Variants in DACH1 observed in about 807,000 individuals in gnomAD.
DACH1 encodes the protein dachshund homolog 1.
DACH1 carries 12 observed loss-of-function variants against 54.2 expected under a neutral mutation model. That is an observed-to-expected ratio of 0.22 (90% CI 0.14 to 0.36). The LOEUF (loss-of-function observed/expected upper bound fraction) is 0.36. DACH1 is among the 10% of genes least tolerant of loss of function. The pLI, the probability that DACH1 is intolerant of heterozygous loss-of-function variation, is 1.00. For missense variants in DACH1, 805 were observed against 929.8 expected (o/e 0.87, Z 1.75); for synonymous variants, 386 against 366.2 (o/e 1.05, Z -0.62).
intron 1 of DACH1, among the ~76,000 whole-genome samples, chr13:71,753,078 C>T (rs1016085810): frequency 7.9e-5 from 12 of 152,156 alleles, no homozygotes; most frequent in African/African-American, 2.9e-4. Context: ...GAAAGGCCCT[C>T]TTGTTACTAA....
At chr13:71,849,892 GTAATTATGGTGCCTAAC>G (rs1257205121) in intron 1 of DACH1, among the ~76,000 whole-genome samples, 1 of 152,086 alleles carries the variant, frequency 6.6e-6, no homozygotes, top group African/African-American at 2.4e-5. Context: ...GTATTACTTT[GTAATTATGGTGCCTAAC>G]TAAACATAAG....
intron 1 of DACH1, among the ~76,000 whole-genome samples, chr13:71,734,134 C>T (rs1284899031): frequency 6.7e-6 from 1 of 148,906 alleles, no homozygotes; most frequent in African/African-American, 2.5e-5. Context: ...TACATATATA[C>T]CCCATATATA....
intron 1 of DACH1, among the ~76,000 whole-genome samples, chr13:71,816,406 A>T (rs756132237): frequency 4.0e-5 from 6 of 151,888 alleles, no homozygotes; most frequent in Non-Finnish European, 7.4e-5. Flanking sequence ...CAGCAATCCC[A>T]TTACTGGGAA....
At chr13:71,760,689 T>C (rs1295419395) in intron 1 of DACH1, among the ~76,000 whole-genome samples, 1 of 152,212 alleles carries the variant, frequency 6.6e-6, no homozygotes, top group East Asian at 1.9e-4. Context: ...AAGGGTGTTG[T>C]AGTGGTGAGG....
At chr13:71,473,742 T>G (rs1877281883) in intron 10 of DACH1, among the ~76,000 whole-genome samples, 1 of 152,200 alleles carries the variant, frequency 6.6e-6, no homozygotes, top group African/African-American at 2.4e-5. Context: ...ATCAGATGAT[T>G]TATATGTCAC....
chr13:71,734,157 A>G (rs1883888354), intron 1 of DACH1, among the ~76,000 whole-genome samples: 1 of 147,050 alleles, frequency 6.8e-6, no homozygotes, highest in South Asian at 2.1e-4. Context: ...TATATCCCAT[A>G]TACGTATACC....
intron 2 of DACH1, among the ~76,000 whole-genome samples, chr13:71,680,634 A>T (rs1475575589): frequency 6.6e-6 from 1 of 152,192 alleles, no homozygotes; most frequent in African/African-American, 2.4e-5. Flanking sequence ...TAAAATTAAA[A>T]TTATTGAGGC....
chr13:71,481,313 A>T (rs537501845), intron 7 of DACH1, among the ~76,000 whole-genome samples: 2 of 152,196 alleles, frequency 1.3e-5, no homozygotes, highest in African/African-American at 2.4e-5. Context: ...TTAAACTATT[A>T]TTGTCCTTGG....
intron 4 of DACH1, among the ~76,000 whole-genome samples, chr13:71,569,889 C>T (rs949498238): frequency 1.3e-5 from 2 of 152,118 alleles, no homozygotes; most frequent in Admixed American, 1.3e-4. Flanking sequence ...CATACAGGCT[C>T]AATCTTCTAT....
chr13:71,662,236 G>A (rs545308929), intron 2 of DACH1, among the ~76,000 whole-genome samples: 1 of 152,148 alleles, frequency 6.6e-6, no homozygotes, highest in African/African-American at 2.4e-5. Context: ...GTTCCCAGAT[G>A]TAAAAATCTT....
intron 1 of DACH1, among the ~76,000 whole-genome samples, chr13:71,767,570 G>C (rs554372374): frequency 1.3e-5 from 2 of 150,000 alleles, no homozygotes; most frequent in South Asian, 4.6e-4. Flanking sequence ...TAATGTTATA[G>C]TTCAAACAAT....
chr13:71,662,735 T>C (rs1340827380), intron 2 of DACH1, among the ~76,000 whole-genome samples: 2 of 152,164 alleles, frequency 1.3e-5, no homozygotes, highest in East Asian at 1.9e-4. Context: ...TTAATTTTCA[T>C]ATTTGTGTTG....
rs574976720 is a variant in DACH1 at position 71,740,695 on chromosome 13, G to T, written c.849-58785C>A. Reference sequence around the variant, plus strand: ...TGCATGTGCTACTGCCTGGGGTGTGGGTGTATTTAATATCTCATAGCAGTT... The same window carrying T: ...TGCATGTGCTACTGCCTGGGGTGTGTGTGTATTTAATATCTCATAGCAGTT... On this transcript the variant is annotated intron_variant, in intron 1 of 10. Transcript: ENST00000613252. 2.6e-5 allele frequency among the ~76,000 whole-genome samples: 4 copies of T among 152,058 alleles called. No homozygotes were observed. In the East Asian group the frequency reaches 7.7e-4, roughly 29 times the overall value.
intron 7 of DACH1, among the ~76,000 whole-genome samples, chr13:71,485,476 T>C (rs996764165): frequency 1.3e-5 from 2 of 149,046 alleles, no homozygotes; most frequent in African/African-American, 2.4e-5. Flanking sequence ...AATTTCTAAA[T>C]ATAAAATTTA....
At chr13:71,684,926 A>G (rs1881084880) in intron 1 of DACH1, among the ~76,000 whole-genome samples, 1 of 152,164 alleles carries the variant, frequency 6.6e-6, no homozygotes, top group African/African-American at 2.4e-5. Flanking sequence ...TTGAAACGTA[A>G]TGCTAAATAT....
At chr13:71,576,773 T>G (rs1885555599) in intron 3 of DACH1, among the ~76,000 whole-genome samples, 1 of 152,148 alleles carries the variant, frequency 6.6e-6, no homozygotes, top group African/African-American at 2.4e-5. Flanking sequence ...CTGTCATCTC[T>G]GCTTCCCCAT....
intron 6 of DACH1, among the ~76,000 whole-genome samples, chr13:71,523,769 G>A (rs1210827677): frequency 6.6e-6 from 1 of 152,066 alleles, no homozygotes; most frequent in Non-Finnish European, 1.5e-5. Context: ...TGAATTGAGT[G>A]TAAATTTAAT....
At chr13:71,749,982 A>G (rs922386122) in intron 1 of DACH1, among the ~76,000 whole-genome samples, 1 of 152,180 alleles carries the variant, frequency 6.6e-6, no homozygotes, top group Non-Finnish European at 1.5e-5. Context: ...CTTTATCTCA[A>G]ACTTTTATGC....
intron 1 of DACH1, among the ~76,000 whole-genome samples, chr13:71,727,680 A>G (rs1220863938): frequency 6.6e-6 from 1 of 152,112 alleles, no homozygotes; most frequent in Non-Finnish European, 1.5e-5. Context: ...TGTGGAATGT[A>G]GTTGGCACAA....
Sources: gnomAD v4.1 joint callset for allele counts (sites outside exome capture counted in the v4.1 genomes callset) on GRCh38, gnomAD v4.1.1 for gene constraint, MANE v1.5 for transcripts, NCBI Gene and HGNC (gene_info 2026-07-23, HGNC 2026-07-21) for gene names.